Variants in SHISA9 observed in about 807,000 individuals in gnomAD.
SHISA9 encodes the protein protein shisa-9.
Under a neutral mutation model 38.0 loss-of-function variants are expected in SHISA9, and 13 were observed. That is an observed-to-expected ratio of 0.34 (90% CI 0.22 to 0.54). The LOEUF (loss-of-function observed/expected upper bound fraction) is 0.54, where lower values mean the gene tolerates loss of function less well. SHISA9 is among the 20% of genes least tolerant of loss of function. The probability of loss-of-function intolerance (pLI) is 0.91; values close to 1 mark genes in which losing one functional copy is unlikely to be tolerated. For missense variants in SHISA9, 538 were observed against 575.8 expected (o/e 0.93, Z 0.67); for synonymous variants, 275 against 242.0 (o/e 1.14, Z -1.27).
At chr16:13,077,574 G>A (rs2073597830) in intron 2 of SHISA9, among the ~76,000 whole-genome samples, 1 of 152,112 alleles carries the variant, frequency 6.6e-6, no homozygotes, top group Admixed American at 6.6e-5. Context: ...ACTGGGGGAT[G>A]GGGAAACACC....
chr16:13,461,352 G>T, the SHISA9 span, among the ~76,000 whole-genome samples: 1 of 152,094 alleles, frequency 6.6e-6, no homozygotes, highest in South Asian at 2.1e-4. Context: ...GGCCAAGGCG[G>T]GTGGATCACC....
At chr16:13,398,006 C>G in the SHISA9 span, among the ~76,000 whole-genome samples, 1 of 152,170 alleles carries the variant, frequency 6.6e-6, no homozygotes, top group Non-Finnish European at 1.5e-5. Context: ...CCATGTGCTC[C>G]TCTGACTGCC....
At chr16:13,008,085 G>A (rs183825394) in intron 2 of SHISA9, among the ~76,000 whole-genome samples, 125 of 152,318 alleles carry the variant, frequency 8.2e-4, no homozygotes, top group African/African-American at 2.6e-3. Flanking sequence ...GAATGGAAGC[G>A]CCAGGGAGTT....
the SHISA9 span, among the ~76,000 whole-genome samples, chr16:13,444,310 G>A: frequency 5.3e-5 from 8 of 150,930 alleles, no homozygotes; most frequent in Non-Finnish European, 1.2e-4. Context: ...GGTGGAAGTT[G>A]CAGTGAGCTG....
At chr16:13,137,137 G>T (rs2141992461) in intron 2 of SHISA9, among the ~76,000 whole-genome samples, 1 of 152,268 alleles carries the variant, frequency 6.6e-6, no homozygotes, top group Non-Finnish European at 1.5e-5. Flanking sequence ...GTCAAGTCCA[G>T]TTTTGCCTTG....
chr16:13,234,532 C>T (rs1381553706), intron 4 of SHISA9, among the ~76,000 whole-genome samples: 1 of 152,084 alleles, frequency 6.6e-6, no homozygotes, highest in Non-Finnish European at 1.5e-5. Context: ...CAAAAGCAAA[C>T]AAACCAGCGG....
chr16:13,242,565 G>C (rs753443533), downstream of SHISA9, among the ~76,000 whole-genome samples: 50 of 152,222 alleles, frequency 3.3e-4, no homozygotes, highest in Non-Finnish European at 6.9e-4. Flanking sequence ...TTGAAAAGTT[G>C]TGTCCTATAA....
the SHISA9 span, among the ~76,000 whole-genome samples, chr16:13,326,456 C>T: frequency 6.6e-6 from 1 of 152,208 alleles, no homozygotes; most frequent in Non-Finnish European, 1.5e-5. Flanking sequence ...TGCAGTGGCT[C>T]ATGGTTGTAA....
the SHISA9 span, among the ~76,000 whole-genome samples, chr16:13,345,985 G>A: frequency 6.6e-6 from 1 of 152,026 alleles, no homozygotes; most frequent in African/African-American, 2.4e-5. Flanking sequence ...AAAAATTTCT[G>A]TAAGTTTAAG....
the SHISA9 span, among the ~76,000 whole-genome samples, chr16:13,251,129 GGAAA>G: frequency 2.6e-5 from 4 of 152,262 alleles, no homozygotes; most frequent in Non-Finnish European, 5.9e-5. Flanking sequence ...AACAGCAGAT[GGAAA>G]AGCTCTGAGA....
chr16:13,252,512 A>C, the SHISA9 span, among the ~76,000 whole-genome samples: 2 of 152,118 alleles, frequency 1.3e-5, no homozygotes, highest in Admixed American at 1.3e-4. Flanking sequence ...ACCCTTCTTC[A>C]TGCTGCAGTC....
At chr16:13,423,941 T>C in the SHISA9 span, among the ~76,000 whole-genome samples, 3 of 152,242 alleles carry the variant, frequency 2.0e-5, no homozygotes. Flanking sequence ...TTCATTCTTC[T>C]ACTATCTTTA....
intron 4 of SHISA9, among the ~76,000 whole-genome samples, chr16:13,230,034 T>C (rs1306457117): frequency 6.6e-6 from 1 of 152,176 alleles, no homozygotes; most frequent in Non-Finnish European, 1.5e-5. Context: ...ATCTCCCTCC[T>C]GATCAGATCA....
chr16:13,178,056 A>C (rs1024839934), intron 2 of SHISA9, among the ~76,000 whole-genome samples: 1 of 152,232 alleles, frequency 6.6e-6, no homozygotes, highest in African/African-American at 2.4e-5. Flanking sequence ...TGAGTGAACA[A>C]ATGAACGAGT....
intron 2 of SHISA9, among the ~76,000 whole-genome samples, chr16:12,990,884 C>G (rs1269161526): frequency 6.6e-6 from 1 of 152,170 alleles, no homozygotes; most frequent in Non-Finnish European, 1.5e-5. Context: ...CTATGGTTTT[C>G]TTGGGATTGA....
At chr16:12,919,975 C>T (rs1044932287) in intron 2 of SHISA9, among the ~76,000 whole-genome samples, 3 of 152,204 alleles carry the variant, frequency 2.0e-5, no homozygotes, top group African/African-American at 7.2e-5. Flanking sequence ...CATACCCTAC[C>T]TCCTGCACCC....
the SHISA9 span, among the ~76,000 whole-genome samples, chr16:13,485,357 C>A: frequency 6.6e-6 from 1 of 152,144 alleles, no homozygotes; most frequent in Non-Finnish European, 1.5e-5. Flanking sequence ...CGTGTCCCTG[C>A]AAAGGACATG....
At chr16:13,345,633 G>C in the SHISA9 span, among the ~76,000 whole-genome samples, 4 of 152,084 alleles carry the variant, frequency 2.6e-5, no homozygotes, top group Admixed American at 1.3e-4. Context: ...GGTCTTGCTG[G>C]GTCGAATAGT....
At chr16:13,151,642 C>T (rs753609525) in intron 2 of SHISA9, among the ~76,000 whole-genome samples, 20 of 152,174 alleles carry the variant, frequency 1.3e-4, no homozygotes, top group Non-Finnish European at 2.2e-4. Flanking sequence ...TCATAATTTA[C>T]AAACTCTTTA....
Sources: allele counts gnomAD v4.1 joint callset (sites outside exome capture counted in the v4.1 genomes callset), GRCh38; gene constraint gnomAD v4.1.1; transcripts MANE v1.5; gene names NCBI Gene and HGNC (gene_info 2026-07-23, HGNC 2026-07-21).